CACNA1D: variants seen among roughly 807,000 people sequenced by gnomAD.
The protein encoded by CACNA1D is voltage-dependent L-type calcium channel subunit alpha-1D.
CACNA1D carries 55 observed loss-of-function variants against 257.1 expected under a neutral mutation model. The observed-to-expected ratio is 0.21, with a 90% CI of 0.17 to 0.27. CACNA1D has a LOEUF of 0.27. CACNA1D is among the 10% of genes least tolerant of loss of function. The pLI, the probability that CACNA1D is intolerant of heterozygous loss-of-function variation, is 1.00. For missense variants in CACNA1D, 1,876 were observed against 2,784.0 expected (o/e 0.67, Z 7.34); for synonymous variants, 980 against 1,014.9 (o/e 0.97, Z 0.65).
chr3:53,748,979 C>G (rs189224098), intron 26 of CACNA1D: 63 of 521,248 alleles, frequency 1.2e-4, no homozygotes, highest in Non-Finnish European at 1.4e-5. Context: ...TGATATTCTT[C>G]CTCTCTGAAT....
Position 53,810,145 on chromosome 3 carries a change from C to A in CACNA1D, c.6039C>A (p.Asn2013Lys). 2 of 1,613,962 alleles carry A rather than the reference C, an allele frequency of 1.2e-6. No individual in the cohort carries two copies. Among genetic ancestry groups the A allele is most frequent in the Non-Finnish European group, 1.7e-6 (2 of 1,180,032 alleles). Residue 2013 changes from asparagine to lysine, a missense_variant, in exon 47 of 48, where the codon AAC becomes AAA. Asn to Lys is a moderately conservative substitution (Grantham distance 94, BLOSUM62 0). Transcript: ENST00000350061. The part of the protein sequence containing the change: ...VEQSEALDQV[N>K]GSLPSLHRSS... Reference sequence around the variant, plus strand: ...AGTCAGAGGCCCTGGACCAGGTGAACGGCAGCCTGCCGTCCCTGCACCGCA... The same window carrying A: ...AGTCAGAGGCCCTGGACCAGGTGAAAGGCAGCCTGCCGTCCCTGCACCGCA...
chr3:53,645,340 T>TGGGATATG (rs1390027184), intron 3 of CACNA1D, among the ~76,000 whole-genome samples: 1 of 152,248 alleles, frequency 6.6e-6, no homozygotes, highest in Admixed American at 6.5e-5. Context: ...CATATGTTTA[T>TGGGATATG]TTTGGCTTAT....
chr3:53,549,362 G>A (rs1012428123), intron 3 of CACNA1D, among the ~76,000 whole-genome samples: 1 of 152,182 alleles, frequency 6.6e-6, no homozygotes, highest in African/African-American at 2.4e-5. Context: ...CATACTCATA[G>A]GCCCTTGAGA....
At chr3:53,518,305 G>T (rs926851685) in intron 3 of CACNA1D, among the ~76,000 whole-genome samples, 1 of 152,198 alleles carries the variant, frequency 6.6e-6, no homozygotes, top group Non-Finnish European at 1.5e-5. Context: ...TGTGAGCAGG[G>T]ACCCAGTGTC....
intron 3 of CACNA1D, among the ~76,000 whole-genome samples, chr3:53,615,109 A>G (rs1032578540): frequency 2.6e-5 from 4 of 152,242 alleles, no homozygotes; most frequent in African/African-American, 9.6e-5. Flanking sequence ...TCACCAGACC[A>G]TCATTGACAT....
intron 3 of CACNA1D, among the ~76,000 whole-genome samples, chr3:53,505,114 TG>T (rs1296796981): frequency 3.1e-5 from 4 of 128,458 alleles, no homozygotes; most frequent in East Asian, 2.1e-4. Context: ...TTTGTTTATT[TG>T]TTTTTTTTTT....
intron 46 of CACNA1D, 22 bp from the exon 47 acceptor site, chr3:53,809,956 C>G (rs751144065): frequency 8.7e-6 from 14 of 1,611,976 alleles, no homozygotes; most frequent in Non-Finnish European, 1.1e-5. Flanking sequence ...TCTGGTCTCC[C>G]AACAGTCCCC....
At chr3:53,668,964 C>G (rs547380924) in intron 7 of CACNA1D, among the ~76,000 whole-genome samples, 2 of 152,278 alleles carry the variant, frequency 1.3e-5, no homozygotes, top group East Asian at 3.9e-4. Flanking sequence ...ATACAGCAAG[C>G]TAGATTTGGT....
chr3:53,511,912 T>G (rs1264215043), intron 3 of CACNA1D, among the ~76,000 whole-genome samples: 2 of 152,196 alleles, frequency 1.3e-5, no homozygotes, highest in African/African-American at 4.8e-5. Context: ...GTTTTATTAT[T>G]TTACTCTAAT....
At chr3:53,668,411 A>T (rs1022988823) in intron 7 of CACNA1D, among the ~76,000 whole-genome samples, 7 of 152,230 alleles carry the variant, frequency 4.6e-5, no homozygotes, top group African/African-American at 1.7e-4. Context: ...AATATCATCT[A>T]GGATGATATA....
chr3:53,638,077 G>A (rs914881188), intron 3 of CACNA1D, among the ~76,000 whole-genome samples: 1 of 152,212 alleles, frequency 6.6e-6, no homozygotes, highest in African/African-American at 2.4e-5. Context: ...CATTGGAGAC[G>A]TTCGTATGAA....
chr3:53,746,291 C>T (rs1331351838), intron 25 of CACNA1D, among the ~76,000 whole-genome samples: 5 of 152,216 alleles, frequency 3.3e-5, no homozygotes, highest in Admixed American at 2.6e-4. Context: ...TGGAACTCAA[C>T]TCCCTGGTGT....
chr3:53,747,326 T>C lies in CACNA1D; in HGVS notation c.3192T>C (p.Asp1064=), dbSNP rs760379833. 2.5e-6 allele frequency: 4 copies of C among 1,613,998 alleles called. No individual in the cohort carries two copies. In the East Asian group the frequency reaches 6.7e-5, roughly 27 times the overall value. Residue 1064 remains aspartate (D), a synonymous_variant, in exon 26 of 48, where the codon GAT becomes GAC. Transcript: ENST00000350061. Reference sequence around the variant, plus strand: ...GGGGACTTTTCATCCTCTACAAGGATGGGGATGTTGACAGTCCTGTGGTCC... The same window carrying C: ...GGGGACTTTTCATCCTCTACAAGGACGGGGATGTTGACAGTCCTGTGGTCC... The part of the protein sequence containing the change: ...ECRGLFILYK[D]GDVDSPVVRE...
Position 53,610,207 on chromosome 3 carries a change from G to T in CACNA1D, c.484-40572G>T, listed in dbSNP as rs1197804665. On this transcript the variant is annotated intron_variant, in intron 3 of 47. Transcript: ENST00000350061. Reference sequence around the variant, plus strand: ...TTAACTGGAAAATCATGTTTATTGGGCTGTTAATGGGTAGAATGTTTTATA... The same window carrying T: ...TTAACTGGAAAATCATGTTTATTGGTCTGTTAATGGGTAGAATGTTTTATA... Among the ~76,000 whole-genome samples the T allele has an allele frequency of 2.0e-5, 3 of 152,228 alleles. No homozygotes were observed. The East Asian group carries it at 5.8e-4, about 29-fold the overall frequency.
intron 9 of CACNA1D, among the ~76,000 whole-genome samples, chr3:53,703,981 A>G (rs2094655989): frequency 6.6e-6 from 1 of 152,178 alleles, no homozygotes; most frequent in Non-Finnish European, 1.5e-5. Flanking sequence ...AGGTGTGACC[A>G]TTCAGTGTCA....
At chr3:53,631,578 C>G (rs1000162965) in intron 3 of CACNA1D, among the ~76,000 whole-genome samples, 7 of 152,322 alleles carry the variant, frequency 4.6e-5, no homozygotes, top group Admixed American at 4.6e-4. Flanking sequence ...TTTAATGAAT[C>G]ACAAATGTTC....
chr3:53,666,618 G>A, intron 7 of CACNA1D, 83 bp downstream of exon 7: 1 of 1,161,054 alleles, frequency 8.6e-7, no homozygotes, highest in South Asian at 1.2e-5. Context: ...TGGAGAGGTG[G>A]CTGGAAAAGA....
chr3:53,518,609 T>G (rs538146707), intron 3 of CACNA1D, among the ~76,000 whole-genome samples: 1 of 152,198 alleles, frequency 6.6e-6, no homozygotes, highest in African/African-American at 2.4e-5. Flanking sequence ...TTGCAACACT[T>G]GTCTTCAGAG....
chr3:53,500,253 T>TAA (rs55823212), intron 2 of CACNA1D, among the ~76,000 whole-genome samples: 7,960 of 40,902 alleles, frequency 0.19, 1,674 homozygotes, highest in Middle Eastern at 0.4. Context: ...CTGTCTCTAC[T>TAA]AAAAAAAAAA....
Sources: gnomAD v4.1 joint callset for allele counts (sites outside exome capture counted in the v4.1 genomes callset) on GRCh38, gnomAD v4.1.1 for gene constraint, MANE v1.5 for transcripts, NCBI Gene and HGNC (gene_info 2026-07-23, HGNC 2026-07-21) for gene names.